Variants in MLPH observed in about 807,000 individuals in gnomAD.
The protein encoded by MLPH is melanophilin.
A neutral mutation model predicts 72.1 loss-of-function variants in MLPH; 51 were observed. That is an observed-to-expected ratio of 0.71 (90% CI 0.56 to 0.89). The LOEUF is 0.89. MLPH is among the 40% of genes least tolerant of loss of function. The pLI is 0.00. For missense variants in MLPH, 743 were observed against 759.9 expected (o/e 0.98, Z 0.26); for synonymous variants, 301 against 310.1 (o/e 0.97, Z 0.31).
chr2:237,490,793 C>T (rs2079413902), intron 1 of MLPH, among the ~76,000 whole-genome samples: 1 of 152,140 alleles, frequency 6.6e-6, no homozygotes, highest in Non-Finnish European at 1.5e-5. Context: ...GTGAGAGCAT[C>T]AAAAATGAGT....
intron 1 of MLPH, among the ~76,000 whole-genome samples, chr2:237,491,442 G>T (rs536162033): frequency 6.6e-6 from 1 of 152,340 alleles, no homozygotes; most frequent in South Asian, 2.1e-4. Context: ...GCATCTGAGG[G>T]CCGAGGGCTT....
intron 8 of MLPH, among the ~76,000 whole-genome samples, chr2:237,528,791 A>G (rs1398186585): frequency 1.3e-5 from 2 of 152,136 alleles, no homozygotes; most frequent in African/African-American, 4.8e-5. Flanking sequence ...GACAACTACC[A>G]GTCTTCCTTC....
chr2:237,526,110 G>T (rs1391850823), intron 7 of MLPH, among the ~76,000 whole-genome samples: 4 of 152,220 alleles, frequency 2.6e-5, no homozygotes, highest in African/African-American at 9.6e-5. Flanking sequence ...AGAACCACTG[G>T]TCAACCGGCC....
At chr2:237,529,306 G>A (rs560695925) in intron 8 of MLPH, among the ~76,000 whole-genome samples, 1 of 152,210 alleles carries the variant, frequency 6.6e-6, no homozygotes, top group African/African-American at 2.4e-5. Flanking sequence ...GCCTCCCAAA[G>A]TGTTGGGATT....
chr2:237,521,894 A>G (rs368826894), intron 6 of MLPH, among the ~76,000 whole-genome samples: 39 of 100,738 alleles, frequency 3.9e-4, no homozygotes, highest in African/African-American at 9.5e-4. Flanking sequence ...CTGGGCTTGG[A>G]CCTTCAAACA....
At chr2:237,520,053 C>T (rs1295053061) in intron 6 of MLPH, 24 bp downstream of exon 6, 1 of 1,613,584 alleles carries the variant, frequency 6.2e-7, no homozygotes, top group Non-Finnish European at 8.5e-7. Flanking sequence ...CGTGTCTTTC[C>T]CCTGCCCCTC....
chr2:237,512,112 G>A lies in MLPH; in HGVS notation c.445+1011G>A, dbSNP rs983790929. On this transcript the variant is annotated intron_variant, in intron 4 of 15. Coordinates refer to ENST00000264605, the MANE Select transcript of MLPH (RefSeq NM_024101.7). The surrounding 1 kb of genome is among the most constrained non-coding windows in gnomAD (Gnocchi z 5.5). ...GGGCCACGAGGCAGCGCCTGGCTCC[G>A]GCAGCTGGGCACGTCCAGGGCAGAG... Among the ~76,000 whole-genome samples the A allele has an allele frequency of 4.1e-4, 63 of 152,346 alleles. No homozygotes were observed. The highest frequency in any genetic ancestry group is 1.3e-3 in the African/African-American group (53 of 41,584).
At chr2:237,525,300 G>A (rs1398983928) in intron 6 of MLPH, among the ~76,000 whole-genome samples, 1 of 152,228 alleles carries the variant, frequency 6.6e-6, no homozygotes, top group African/African-American at 2.4e-5. Flanking sequence ...CCCTGAGGCT[G>A]TGTCAGGAGA....
At chr2:237,540,581 G>T in intron 10 of MLPH, 48 bp downstream of exon 10, 1 of 1,580,318 alleles carries the variant, frequency 6.3e-7, no homozygotes, top group Admixed American at 1.8e-5. Context: ...AGAGGTAGGG[G>T]CAGGGATGGA....
At chr2:237,545,370 G>C in intron 12 of MLPH, 3 of 1,099,354 alleles carry the variant, frequency 2.7e-6, no homozygotes, top group Non-Finnish European at 3.6e-6. Flanking sequence ...TGAACATCCG[G>C]CCTGAGTTTC....
At position 237,540,988 on chromosome 2, in the gene MLPH, T is replaced by C. The variant is rs929650394; in HGVS notation, c.1446+31T>C. 1.1e-5 allele frequency: 18 copies of C among 1,582,212 alleles called. No individual in the cohort carries two copies. The African/African-American group carries it at 2.4e-4, about 21-fold the overall frequency. On this transcript the variant is annotated intron_variant, in intron 11 of 15. Transcript: ENST00000264605. ...CCAGAAGGCACAGGGGAGCACTGAG[T>C]TCCACAAACACAGATGGTGACCACA...
At chr2:237,513,102 TAAAAA>T (rs57193032) in intron 4 of MLPH, among the ~76,000 whole-genome samples, 1 of 138,066 alleles carries the variant, frequency 7.2e-6, no homozygotes, top group African/African-American at 2.7e-5. Flanking sequence ...GCTGTGCCTT[TAAAAA>T]AAAAAAAAAA....
chr2:237,508,137 A>T (rs1202482768), intron 2 of MLPH, among the ~76,000 whole-genome samples: 1 of 151,982 alleles, frequency 6.6e-6, no homozygotes, highest in Non-Finnish European at 1.5e-5. Flanking sequence ...TTTGAGACAG[A>T]ATCTCACTCT....
chr2:237,507,163 T>C lies in MLPH; in HGVS notation c.111-3411T>C, dbSNP rs569637386. 3 of 147,976 alleles carry C rather than the reference T, an allele frequency of 2.0e-5. No individual in the cohort carries two copies. In the Admixed American group the frequency reaches 2.1e-4, roughly 10 times the overall value. 9.2% of individuals were successfully genotyped at this position (147,976 alleles called of 1,614,324 possible). A position where few individuals can be genotyped will look rare whatever the true frequency, so the allele number is the denominator to read the frequency against. On this transcript the variant is annotated intron_variant, in intron 2 of 15. Transcript: ENST00000264605. Reference sequence around the variant, plus strand: ...CTTACTGCAACCTCCACCTCCTAGGTTCAAGCGATTCCCCTGCCTCAGCCT... The same window carrying C: ...CTTACTGCAACCTCCACCTCCTAGGCTCAAGCGATTCCCCTGCCTCAGCCT...
At chr2:237,500,753 C>T (rs1024812619) in intron 2 of MLPH, among the ~76,000 whole-genome samples, 5 of 152,100 alleles carry the variant, frequency 3.3e-5, no homozygotes, top group African/African-American at 1.2e-4. Flanking sequence ...GGACTCATGG[C>T]TGTCTCTGCT....
chr2:237,511,499 T>G, intron 4 of MLPH: 2 of 198,670 alleles, frequency 1.0e-5, no homozygotes. Context: ...GCTGCTGAAG[T>G]TGCCAATATT....
At chr2:237,508,239 G>A (rs1369858679) in intron 2 of MLPH, among the ~76,000 whole-genome samples, 1 of 152,150 alleles carries the variant, frequency 6.6e-6, no homozygotes, top group Non-Finnish European at 1.5e-5. Context: ...AGCCTCCTGA[G>A]TAGCAGGGAT....
Position 237,494,554 on chromosome 2 carries a change from G to A in MLPH, c.110+1018G>A, listed in dbSNP as rs191900093. Among the ~76,000 whole-genome samples, 32 of 152,240 alleles carry A rather than the reference G, an allele frequency of 2.1e-4. No homozygotes were observed. In the South Asian group the frequency reaches 6.4e-3, roughly 31 times the overall value. On this transcript the variant is annotated intron_variant, in intron 2 of 15. Transcript: ENST00000264605. ...GGTGGGCTCTGTGAAGTGGCCAGAT[G>A]CACTTTGCAGGCAGAGCCAGCAAGC...
At chr2:237,513,561 T>C (rs2079952550) in intron 4 of MLPH, among the ~76,000 whole-genome samples, 1 of 152,124 alleles carries the variant, frequency 6.6e-6, no homozygotes, top group Non-Finnish European at 1.5e-5. Flanking sequence ...ATTTTTTTGG[T>C]TTTTTTCTTT....
Sources: gnomAD v4.1 joint callset for allele counts (sites outside exome capture counted in the v4.1 genomes callset) on GRCh38, gnomAD v4.1.1 for gene constraint, Gnocchi (gnomAD v3.1) non-coding constraint, MANE v1.5 for transcripts, NCBI Gene and HGNC (gene_info 2026-07-23, HGNC 2026-07-21) for gene names.